The following SLC22A24 variants were observed in gnomAD, a reference collection of about 807,000 sequenced individuals.
SLC22A24 encodes the protein steroid transmembrane transporter SLC22A24.
Under a neutral mutation model 49.8 loss-of-function variants are expected in SLC22A24, and 53 were observed. That is an observed-to-expected ratio of 1.06 (90% CI 0.85 to 1.34). The LOEUF is 1.34. Among genes scored for constraint, SLC22A24 ranks in the 40% most tolerant of loss-of-function variants. SLC22A24 has a pLI of 0.00. For missense variants in SLC22A24, 786 were observed against 675.9 expected, an observed-to-expected ratio of 1.16 and a Z score of -1.81; for synonymous variants, 302 against 256.4, an observed-to-expected ratio of 1.18 and a Z score of -1.70.
intron 2 of SLC22A24, among the ~76,000 whole-genome samples, chr11:63,128,246 A>T (rs1455679880): frequency 6.6e-6 from 1 of 152,062 alleles, no homozygotes; most frequent in East Asian, 1.9e-4. Flanking sequence ...AGAAGACAAG[A>T]GTGTGAGCCT....
chr11:63,134,825 A>T, intron 1 of SLC22A24, 57 bp from the exon 2 acceptor site: 6 of 1,216,732 alleles, frequency 4.9e-6, no homozygotes, highest in African/African-American at 1.5e-5. Flanking sequence ...ACTCTTTAGT[A>T]GAAACTGACT....
At chr11:63,130,292 A>G (rs1443752589) in intron 2 of SLC22A24, among the ~76,000 whole-genome samples, 1 of 152,168 alleles carries the variant, frequency 6.6e-6, no homozygotes, top group Non-Finnish European at 1.5e-5. Context: ...TGATTTGCAT[A>G]TGTTGAACCA....
intron 5 of SLC22A24, among the ~76,000 whole-genome samples, chr11:63,097,666 A>G (rs373424870): frequency 6.6e-6 from 1 of 152,300 alleles, no homozygotes; most frequent in East Asian, 1.9e-4. Context: ...ACCAACCCAA[A>G]TGTGCATCAA....
intron 7 of SLC22A24, among the ~76,000 whole-genome samples, chr11:63,082,037 A>T (rs992884340): frequency 1.3e-5 from 2 of 152,026 alleles, no homozygotes; most frequent in African/African-American, 4.8e-5. Flanking sequence ...ATTCATTTTA[A>T]TTTTTTCTAT....
intron 7 of SLC22A24, among the ~76,000 whole-genome samples, chr11:63,082,647 G>A (rs1280525707): frequency 2.0e-5 from 3 of 152,232 alleles, no homozygotes. Context: ...GAGATATTAA[G>A]ATGAGACTTT....
intron 8 of SLC22A24, 66 bp downstream of exon 8, chr11:63,081,492 T>G (rs2086959778): frequency 8.9e-7 from 1 of 1,126,594 alleles, no homozygotes; most frequent in South Asian, 1.3e-5. Context: ...AGTCTTTCAT[T>G]CACAATGAAT....
At chr11:63,090,388 C>A (rs1246804536) in intron 6 of SLC22A24, among the ~76,000 whole-genome samples, 1 of 152,012 alleles carries the variant, frequency 6.6e-6, no homozygotes, top group Non-Finnish European at 1.5e-5. Flanking sequence ...AACTCTCCAC[C>A]CCAAATCAAG....
At chr11:63,080,637 G>C (rs2086953849) in intron 9 of SLC22A24, among the ~76,000 whole-genome samples, 1 of 152,150 alleles carries the variant, frequency 6.6e-6, no homozygotes. Flanking sequence ...TCCCACAAGG[G>C]CAGAAAGTAT....
chr11:63,098,124 A>G (rs1454509743), intron 5 of SLC22A24, among the ~76,000 whole-genome samples: 2 of 152,180 alleles, frequency 1.3e-5, no homozygotes, highest in East Asian at 1.9e-4. Flanking sequence ...ATCAAGCATC[A>G]TCTCTTACCA....
At chr11:63,121,455 G>A (rs2087251433) in intron 2 of SLC22A24, among the ~76,000 whole-genome samples, 1 of 152,060 alleles carries the variant, frequency 6.6e-6, no homozygotes, top group South Asian at 2.1e-4. Flanking sequence ...GAAGAACTAT[G>A]AAATAGTTTG....
chr11:63,113,215 CATAT>C (rs374187950), intron 4 of SLC22A24, among the ~76,000 whole-genome samples: 1,081 of 7,492 alleles, frequency 0.14, 411 homozygotes, highest in Non-Finnish European at 0.22. Context: ...TATATATACA[CATAT>C]ATATATATAC....
intron 6 of SLC22A24, among the ~76,000 whole-genome samples, chr11:63,087,531 T>C (rs1242421615): frequency 6.6e-6 from 1 of 152,174 alleles, no homozygotes; most frequent in African/African-American, 2.4e-5. Flanking sequence ...CAGCAGTATT[T>C]TTTCATATTC....
chr11:63,105,349 G>A lies in SLC22A24; in HGVS notation c.831-1051C>T, dbSNP rs888232342. On this transcript the variant is annotated intron_variant, in intron 4 of 9. Transcript: ENST00000612278. ...AGTGTACCAGTGGGGACTCTCTGTG[G>A]GAGCTCTGGCCCCAATTTCCCTTCT... Among the ~76,000 whole-genome samples the A allele has an allele frequency of 1.4e-4, 4 of 27,684 alleles. No individual in the cohort carries two copies. The South Asian group carries it at 7.8e-3, about 54-fold the overall frequency. 18.2% of individuals were successfully genotyped at this position (27,684 alleles called of 152,430 possible). A position where few individuals can be genotyped will look rare whatever the true frequency, so the allele number is the denominator to read the frequency against.
rs372845734 is a variant in SLC22A24 at position 63,120,989 on chromosome 11, G to T, written c.507-1654C>A. Among the ~76,000 whole-genome samples the T allele has an allele frequency of 3.9e-5, 6 of 152,230 alleles. 1 individual carries two copies. Among genetic ancestry groups the T allele is most frequent in the African/African-American group, 1.4e-4 (6 of 41,552 alleles). On this transcript the variant is annotated intron_variant, in intron 2 of 9. Coordinates refer to ENST00000612278, the MANE Select transcript of SLC22A24 (RefSeq NM_001136506.2). Reference sequence around the variant, plus strand: ...CAATAAAAATCTCATGGTAGTGGTTGCCCCCAGATAAGAGGGAGGGATAAA... The same window carrying T: ...CAATAAAAATCTCATGGTAGTGGTTTCCCCCAGATAAGAGGGAGGGATAAA...
intron 1 of SLC22A24, among the ~76,000 whole-genome samples, chr11:63,136,485 C>A (rs539190575): frequency 6.6e-6 from 1 of 152,290 alleles, no homozygotes; most frequent in Admixed American, 6.5e-5. Context: ...AATTCGGCTA[C>A]GAAGTTGTGC....
intron 4 of SLC22A24, among the ~76,000 whole-genome samples, chr11:63,107,829 T>C (rs934110319): frequency 6.6e-6 from 1 of 152,156 alleles, no homozygotes; most frequent in African/African-American, 2.4e-5. Flanking sequence ...TAAGGAGATT[T>C]TGGGCTGAGA....
At chr11:63,104,435 T>G in intron 4 of SLC22A24, 137 bp from the exon 5 acceptor site, 8 of 872,294 alleles carry the variant, frequency 9.2e-6, no homozygotes, top group Non-Finnish European at 1.4e-5. Flanking sequence ...CAAATTGGCC[T>G]CCTCTGCTGG....
intron 6 of SLC22A24, among the ~76,000 whole-genome samples, chr11:63,091,917 C>T (rs2087022733): frequency 6.6e-6 from 1 of 152,132 alleles, no homozygotes; most frequent in Admixed American, 6.5e-5. Flanking sequence ...GGCAATCATG[C>T]ATGAGAAAGA....
intron 4 of SLC22A24, among the ~76,000 whole-genome samples, chr11:63,118,293 A>G (rs1209995462): frequency 6.6e-6 from 1 of 152,150 alleles, no homozygotes; most frequent in Non-Finnish European, 1.5e-5. Context: ...AAACATCCCA[A>G]CATTCACTTT....
Sources: gnomAD v4.1 joint callset for allele counts (sites outside exome capture counted in the v4.1 genomes callset) on GRCh38, gnomAD v4.1.1 for gene constraint, MANE v1.5 for transcripts, NCBI Gene and HGNC (gene_info 2026-07-23, HGNC 2026-07-21) for gene names.